Variants in UTRN observed in about 807,000 individuals in gnomAD.
UTRN encodes the protein utrophin, also known as dystrophin-related protein 1.
UTRN carries 283 observed loss-of-function variants against 463.9 expected under a neutral mutation model. The ratio of observed to expected loss-of-function variants is 0.61; its 90% CI spans 0.55 to 0.67. The LOEUF (loss-of-function observed/expected upper bound fraction) is 0.67. Ranked by LOEUF, UTRN falls within the 30% of genes least tolerant of loss-of-function variation. The pLI, the probability that UTRN is intolerant of heterozygous loss-of-function variation, is 0.00. For synonymous variants in UTRN, 1,442 were observed against 1,431.5 expected, an observed-to-expected ratio of 1.01 and a Z score of -0.17; for missense variants, 3,922 against 4,084.3, an observed-to-expected ratio of 0.96 and a Z score of 1.08.
intron 26 of UTRN, among the ~76,000 whole-genome samples, chr6:144,480,874 T>C (rs1791786174): frequency 6.6e-6 from 1 of 152,234 alleles, no homozygotes; most frequent in East Asian, 1.9e-4. Context: ...CATACATTAT[T>C]ATACATGAAT....
At chr6:144,321,539 G>A (rs1775648929) in intron 2 of UTRN, among the ~76,000 whole-genome samples, 2 of 142,032 alleles carry the variant, frequency 1.4e-5, no homozygotes, top group Admixed American at 1.6e-4. Flanking sequence ...GCGTGATCTC[G>A]GCTCACTGCA....
At chr6:144,587,272 A>G (rs964455579) in intron 51 of UTRN, among the ~76,000 whole-genome samples, 1 of 152,170 alleles carries the variant, frequency 6.6e-6, no homozygotes, top group Non-Finnish European at 1.5e-5. Flanking sequence ...CTTCTGTGGT[A>G]TTAAAGCAAC....
Position 144,516,965 on chromosome 6 carries a change from G to A in UTRN, c.5541+17G>A, listed in dbSNP as rs1238128755. ...AAAATTAAGGTATTATGATTGGAGA[G>A]TCTCTGTTGCATTTAAATACCTTAC... On this transcript the variant is annotated intron_variant, in intron 39 of 74. Coordinates refer to ENST00000367545, the MANE Select transcript of UTRN (RefSeq NM_007124.3). 7.0e-7 allele frequency: 1 copy of A among 1,428,618 alleles called. No homozygotes were observed. Among genetic ancestry groups the A allele is most frequent in the East Asian group, 2.6e-5 (1 of 37,840 alleles). The allele number at this position is 1,428,618 out of a possible 1,614,324, so 88.5% of individuals were successfully genotyped here.
chr6:144,540,194 A>G (rs1402553193), intron 45 of UTRN, among the ~76,000 whole-genome samples: 2 of 151,950 alleles, frequency 1.3e-5, no homozygotes, highest in Middle Eastern at 3.2e-3. Context: ...TACAAATACA[A>G]CTAATATCTT....
chr6:144,774,460 A>G (rs1775138868), intron 60 of UTRN, 96 bp downstream of exon 60: 3 of 1,117,456 alleles, frequency 2.7e-6, no homozygotes, highest in Non-Finnish European at 3.8e-6. Context: ...AGTGTTTGCC[A>G]AGTTAATCTG....
At chr6:144,299,512 G>A (rs1290364744) in intron 2 of UTRN, among the ~76,000 whole-genome samples, 2 of 152,064 alleles carry the variant, frequency 1.3e-5, no homozygotes, top group Non-Finnish European at 2.9e-5. Context: ...AGTGGGTCAG[G>A]AGAGTGATGA....
At chr6:144,766,657 C>CTGGA (rs1793380369) in intron 58 of UTRN, among the ~76,000 whole-genome samples, 4 of 151,724 alleles carry the variant, frequency 2.6e-5, no homozygotes, top group Non-Finnish European at 4.4e-5. Flanking sequence ...AGTTGGAAGC[C>CTGGA]AAACAGAAGT....
chr6:144,530,173 A>G (rs1420690202), intron 41 of UTRN, among the ~76,000 whole-genome samples: 2 of 152,192 alleles, frequency 1.3e-5, no homozygotes, highest in Non-Finnish European at 2.9e-5. Context: ...ACAGACATTT[A>G]CTTTCCCACA....
chr6:144,509,051 T>A (rs1357719624), intron 34 of UTRN, among the ~76,000 whole-genome samples: 1 of 152,196 alleles, frequency 6.6e-6, no homozygotes, highest in Non-Finnish European at 1.5e-5. Context: ...AACTTTAGAA[T>A]TTTTATTGTT....
At chr6:144,676,668 C>G (rs1781632875) in intron 51 of UTRN, among the ~76,000 whole-genome samples, 1 of 152,058 alleles carries the variant, frequency 6.6e-6, no homozygotes, top group Non-Finnish European at 1.5e-5. Context: ...AATGCTATCC[C>G]TTCCCTAGCC....
intron 2 of UTRN, among the ~76,000 whole-genome samples, chr6:144,401,230 C>G (rs1277231504): frequency 1.3e-5 from 2 of 152,030 alleles, no homozygotes; most frequent in Admixed American, 6.6e-5. Context: ...CTGCATATAA[C>G]AAGATTTATG....
chr6:144,464,905 G>C (rs1224525231), intron 23 of UTRN, among the ~76,000 whole-genome samples: 1 of 152,144 alleles, frequency 6.6e-6, no homozygotes, highest in Non-Finnish European at 1.5e-5. Context: ...AAAGTTTTTG[G>C]TTATGGTCCC....
At chr6:144,623,914 T>G (rs1775688206) in intron 51 of UTRN, among the ~76,000 whole-genome samples, 1 of 152,138 alleles carries the variant, frequency 6.6e-6, no homozygotes, top group Non-Finnish European at 1.5e-5. Flanking sequence ...AAACTATATC[T>G]CTGGGGCAAT....
chr6:144,412,498 A>G (rs1016898131), intron 3 of UTRN, among the ~76,000 whole-genome samples: 5 of 152,232 alleles, frequency 3.3e-5, no homozygotes, highest in Non-Finnish European at 5.9e-5. Flanking sequence ...AAAGATTCTA[A>G]TTTGAAAAGG....
intron 51 of UTRN, among the ~76,000 whole-genome samples, chr6:144,581,573 G>A (rs1249885895): frequency 6.6e-6 from 1 of 152,098 alleles, no homozygotes; most frequent in Admixed American, 6.6e-5. Context: ...ATTTTCTCCT[G>A]TGCCCAGCTG....
At position 144,337,139 on chromosome 6, in the gene UTRN, TCACACACAGAGA is replaced by T. The variant is rs1364857134; in HGVS notation, c.79+45241_79+45252del. ...CACACACAGACACACACACACAGAC[TCACACACAGAGA>T]CACACACACACAGACACACACACAC... On this transcript the variant is annotated intron_variant, in intron 2 of 74. Transcript: ENST00000367545. Among the ~76,000 whole-genome samples, 5 of 136,854 alleles carry T rather than the reference TCACACACAGAGA, an allele frequency of 3.7e-5. No individual in the cohort carries two copies. The South Asian group carries it at 7.1e-4, about 19-fold the overall frequency. 89.8% of individuals were successfully genotyped at this position (136,854 alleles called of 152,430 possible).
intron 51 of UTRN, among the ~76,000 whole-genome samples, chr6:144,669,482 A>G (rs1263428513): frequency 1.3e-5 from 2 of 152,190 alleles, no homozygotes; most frequent in Non-Finnish European, 2.9e-5. Context: ...ATCACCACTA[A>G]TATATTATGA....
At chr6:144,347,154 T>C (rs1201638586) in intron 2 of UTRN, among the ~76,000 whole-genome samples, 2 of 152,216 alleles carry the variant, frequency 1.3e-5, no homozygotes, top group Admixed American at 1.3e-4. Context: ...CCTGCTTTCT[T>C]GCCTGCTGAC....
At chr6:144,336,781 C>T (rs1361572485) in intron 2 of UTRN, among the ~76,000 whole-genome samples, 1 of 151,690 alleles carries the variant, frequency 6.6e-6, no homozygotes, top group African/African-American at 2.4e-5. Context: ...TTGTTTTTAT[C>T]AATTTCGTTC....
Sources: allele counts gnomAD v4.1 joint callset (sites outside exome capture counted in the v4.1 genomes callset), GRCh38; gene constraint gnomAD v4.1.1; transcripts MANE v1.5; gene names NCBI Gene and HGNC (gene_info 2026-07-23, HGNC 2026-07-21).